ST7L: variants seen among roughly 807,000 people sequenced by gnomAD.
ST7L encodes the protein suppression of tumorigenicity 7 like.
A neutral mutation model predicts 72.5 loss-of-function variants in ST7L; 57 were observed. The ratio of observed to expected loss-of-function variants is 0.79; its 90% CI spans 0.64 to 0.98. The LOEUF (loss-of-function observed/expected upper bound fraction) is 0.98, where lower values mean the gene tolerates loss of function less well. Ranked by LOEUF, ST7L falls within the 50% of genes least tolerant of loss-of-function variation. The pLI is 0.00. For synonymous variants in ST7L, 221 were observed against 240.9 expected (o/e 0.92, Z 0.77); for missense variants, 576 against 672.2 (o/e 0.86, Z 1.58).
intron 11 of ST7L, among the ~76,000 whole-genome samples, chr1:112,559,908 G>A (rs1659822887): frequency 6.6e-6 from 1 of 151,962 alleles, no homozygotes; most frequent in Admixed American, 6.6e-5. Flanking sequence ...AAGCCGGGCG[G>A]TGGCAGTTGC....
intron 11 of ST7L, among the ~76,000 whole-genome samples, chr1:112,574,110 T>C (rs1571111939): frequency 6.8e-6 from 1 of 148,096 alleles, no homozygotes. Flanking sequence ...AGAGACAGGG[T>C]TTCACCATGC....
intron 1 of ST7L, 85 bp from the exon 2 acceptor site, chr1:112,616,980 G>A: frequency 1.1e-6 from 1 of 896,152 alleles, no homozygotes; most frequent in Non-Finnish European, 1.8e-6. Flanking sequence ...TTTATGAGTG[G>A]TGGGACTTAA....
At chr1:112,556,989 A>AAAAAAAAAAAAAAAAAAAAG (rs1659285716) in intron 11 of ST7L, among the ~76,000 whole-genome samples, 1 of 143,138 alleles carries the variant, frequency 7.0e-6, no homozygotes, top group Non-Finnish European at 1.5e-5. Context: ...AAAAAACAAA[A>AAAAAAAAAAAAAAAAAAAAG]AAAAAAAAAC....
At chr1:112,611,620 A>G (rs900861768) in intron 2 of ST7L, among the ~76,000 whole-genome samples, 11 of 152,148 alleles carry the variant, frequency 7.2e-5, no homozygotes, top group African/African-American at 2.4e-4. Context: ...ATTTCTTTCT[A>G]TTTCCATGGT....
intron 7 of ST7L, among the ~76,000 whole-genome samples, chr1:112,583,031 T>C (rs1664366668): frequency 6.6e-6 from 1 of 152,174 alleles, no homozygotes; most frequent in Non-Finnish European, 1.5e-5. Flanking sequence ...GTATTTGAGA[T>C]TATTCAAAGA....
chr1:112,541,656 C>T, intron 14 of ST7L: 1 of 451,966 alleles, frequency 2.2e-6, no homozygotes, highest in Admixed American at 5.0e-5. Flanking sequence ...TTTAAAAATA[C>T]CAAAGATAGT....
downstream of ST7L, chr1:112,520,753 G>C (rs1228757221): frequency 1.8e-6 from 1 of 569,822 alleles, no homozygotes; most frequent in Non-Finnish European, 3.1e-6. Flanking sequence ...TTTGAAGGGA[G>C]AGTAGAAGAG....
chr1:112,540,358 A>G (rs530605167), intron 14 of ST7L: 1 of 985,486 alleles, frequency 1.0e-6, no homozygotes, highest in East Asian at 1.1e-4. Flanking sequence ...ATTCGATGCC[A>G]GATTACATAG....
chr1:112,561,932 T>A (rs1269051629), intron 11 of ST7L, among the ~76,000 whole-genome samples: 1 of 151,850 alleles, frequency 6.6e-6, no homozygotes, highest in Non-Finnish European at 1.5e-5. Context: ...GTAAACTAGC[T>A]TAAAAATTTG....
At chr1:112,599,481 G>A (rs986163325) in intron 4 of ST7L, among the ~76,000 whole-genome samples, 16 of 152,020 alleles carry the variant, frequency 1.1e-4, no homozygotes, top group South Asian at 2.1e-4. Flanking sequence ...TGGGTAAAAC[G>A]CAGCACTCCT....
At chr1:112,600,174 G>T (rs1464378966) in intron 4 of ST7L, among the ~76,000 whole-genome samples, 1 of 152,012 alleles carries the variant, frequency 6.6e-6, no homozygotes, top group Non-Finnish European at 1.5e-5. Flanking sequence ...CCAAGTAGCT[G>T]GGATTACAGG....
chr1:112,582,504 A>C, intron 7 of ST7L, 32 bp from the exon 8 acceptor site: 1 of 1,335,668 alleles, frequency 7.5e-7, no homozygotes, highest in Non-Finnish European at 1.1e-6. Context: ...TGATACAACT[A>C]TCACTTTTGT....
the ST7L span, chr1:112,518,319 C>T: frequency 2.0e-5 from 3 of 152,178 alleles, no homozygotes; most frequent in East Asian, 1.9e-4. Context: ...GGCTCCCAGG[C>T]TCTTTTCTAC....
At chr1:112,543,536 G>C (rs963881154) in intron 13 of ST7L, among the ~76,000 whole-genome samples, 1 of 151,948 alleles carries the variant, frequency 6.6e-6, no homozygotes, top group Non-Finnish European at 1.5e-5. Context: ...AACAGAGCAA[G>C]ACTCTGTCTC....
At position 112,525,999 on chromosome 1, in the gene ST7L, G is replaced by A. The variant is rs1213242797; in HGVS notation, c.*14C>T. 3 of 1,613,964 alleles carry A rather than the reference G, an allele frequency of 1.9e-6. No individual in the cohort carries two copies. The South Asian group carries it at 3.3e-5, about 18-fold the overall frequency. Reference sequence around the variant, plus strand: ...TTTGGTGATTTGTCCAAGGTCACATGAACAGTGCGTGGCTCAGCCAGAACT... The same window carrying A: ...TTTGGTGATTTGTCCAAGGTCACATAAACAGTGCGTGGCTCAGCCAGAACT... On this transcript the variant is annotated 3_prime_UTR_variant, in exon 15 of 15. Transcript: ENST00000358039.
At chr1:112,600,728 A>G in intron 4 of ST7L, 66 bp downstream of exon 4, 3 of 1,378,920 alleles carry the variant, frequency 2.2e-6, no homozygotes, top group Admixed American at 3.8e-5. Context: ...ATAAAGACAA[A>G]TGATTTTGTA....
intron 11 of ST7L, chr1:112,570,717 G>A (rs2101759977): frequency 4.4e-6 from 2 of 455,472 alleles, no homozygotes; most frequent in Non-Finnish European, 8.8e-6. Context: ...ACCATAACAG[G>A]AGAAAAAGAG....
At chr1:112,558,554 T>C (rs1467545943) in intron 11 of ST7L, among the ~76,000 whole-genome samples, 2 of 152,256 alleles carry the variant, frequency 1.3e-5, no homozygotes, top group Admixed American at 1.3e-4. Context: ...CTTGATGTCT[T>C]TGGCTCTGTT....
chr1:112,577,308 C>T (rs1663266884), intron 10 of ST7L, among the ~76,000 whole-genome samples: 1 of 150,934 alleles, frequency 6.6e-6, no homozygotes, highest in Non-Finnish European at 1.5e-5. Flanking sequence ...ATAGGTGGAT[C>T]ACCTGAGCTC....
Sources: gnomAD v4.1 joint callset for allele counts (sites outside exome capture counted in the v4.1 genomes callset) on GRCh38, gnomAD v4.1.1 for gene constraint, MANE v1.5 for transcripts, NCBI Gene and HGNC (gene_info 2026-07-23, HGNC 2026-07-21) for gene names.